The following OTUD7A variants were observed in gnomAD, a reference collection of about 807,000 sequenced individuals.
OTUD7A encodes the protein OTU deubiquitinase 7A, also known as OTU domain-containing protein 7A.
OTUD7A carries 12 observed loss-of-function variants against 65.7 expected under a neutral mutation model. The ratio of observed to expected loss-of-function variants is 0.18; its 90% confidence interval spans 0.12 to 0.30. The LOEUF (loss-of-function observed/expected upper bound fraction) is 0.30. Among genes scored for constraint, OTUD7A ranks in the 10% least tolerant of loss-of-function variants. The pLI, the probability that OTUD7A is intolerant of heterozygous loss-of-function variation, is 1.00. For missense variants in OTUD7A, 1,148 were observed against 1,304.8 expected (o/e 0.88, Z 1.85); for synonymous variants, 641 against 586.3 (o/e 1.09, Z -1.35).
intron 1 of OTUD7A, among the ~76,000 whole-genome samples, chr15:31,688,789 T>C (rs909203778): frequency 1.3e-5 from 2 of 150,640 alleles, no homozygotes; most frequent in Admixed American, 6.6e-5. Flanking sequence ...TGTTTGTGTA[T>C]AAACAATTGG....
At chr15:31,605,361 G>A (rs902468105) in intron 3 of OTUD7A, among the ~76,000 whole-genome samples, 8 of 152,250 alleles carry the variant, frequency 5.3e-5, no homozygotes, top group African/African-American at 1.7e-4. Flanking sequence ...GACACACAGG[G>A]GTGTGCTGGG....
chr15:31,791,777 C>T (rs1466204047), intron 1 of OTUD7A, among the ~76,000 whole-genome samples: 1 of 152,132 alleles, frequency 6.6e-6, no homozygotes, highest in Non-Finnish European at 1.5e-5. Context: ...GCTGTCTTGA[C>T]ACCCCACCCT....
chr15:31,777,984 C>A (rs182567806), intron 1 of OTUD7A, among the ~76,000 whole-genome samples: 1 of 152,076 alleles, frequency 6.6e-6, no homozygotes, highest in Non-Finnish European at 1.5e-5. Flanking sequence ...GGAAATGGAG[C>A]GGCTCTTAGA....
chr15:31,611,021 A>G (rs560657739), intron 3 of OTUD7A, among the ~76,000 whole-genome samples: 3 of 152,258 alleles, frequency 2.0e-5, no homozygotes, highest in African/African-American at 7.2e-5. Context: ...CCATGCAAAC[A>G]CATGGAAATT....
chr15:31,590,704 G>C (rs1183176150), intron 3 of OTUD7A, among the ~76,000 whole-genome samples: 2 of 152,164 alleles, frequency 1.3e-5, no homozygotes, highest in Non-Finnish European at 2.9e-5. Context: ...CCAGATGCTT[G>C]GGTTCTCTGT....
chr15:31,689,013 G>A (rs539745552), intron 1 of OTUD7A, among the ~76,000 whole-genome samples: 7 of 151,050 alleles, frequency 4.6e-5, no homozygotes, highest in Non-Finnish European at 8.9e-5. Context: ...AATAATTAGT[G>A]TGTTAAGATA....
At chr15:31,489,828 A>G (rs1566880928) in intron 10 of OTUD7A, among the ~76,000 whole-genome samples, 2 of 152,210 alleles carry the variant, frequency 1.3e-5, no homozygotes, top group Non-Finnish European at 2.9e-5. Flanking sequence ...CAGGGCTGGA[A>G]TGGACTCCTT....
intron 3 of OTUD7A, among the ~76,000 whole-genome samples, chr15:31,610,606 TATATATA>T (rs1475642159): frequency 2.6e-4 from 12 of 46,768 alleles, no homozygotes; most frequent in African/African-American, 4.7e-4. Context: ...TATATATATA[TATATATA>T]TATATTTTTT....
chr15:31,737,073 C>CTT (rs1269164931), intron 1 of OTUD7A, among the ~76,000 whole-genome samples: 2 of 152,168 alleles, frequency 1.3e-5, no homozygotes, highest in East Asian at 3.8e-4. Flanking sequence ...ATGCCTGCCT[C>CTT]TGCCTCCCAA....
intron 3 of OTUD7A, among the ~76,000 whole-genome samples, chr15:31,635,962 G>A (rs2141256002): frequency 6.6e-6 from 1 of 152,334 alleles, no homozygotes; most frequent in South Asian, 2.1e-4. Context: ...CCATAAAGAG[G>A]AAAATGATAC....
At chr15:31,603,810 A>C (rs1890154712) in intron 3 of OTUD7A, among the ~76,000 whole-genome samples, 1 of 152,230 alleles carries the variant, frequency 6.6e-6, no homozygotes, top group Non-Finnish European at 1.5e-5. Flanking sequence ...TCTCAAAAGA[A>C]GACATTTATG....
chr15:31,660,832 A>C (rs1892141020), intron 1 of OTUD7A, among the ~76,000 whole-genome samples: 1 of 152,238 alleles, frequency 6.6e-6, no homozygotes, highest in African/African-American at 2.4e-5. Flanking sequence ...CCCCTTGTTG[A>C]AGCTGATATT....
At chr15:31,796,460 C>T (rs1487034909) in intron 1 of OTUD7A, among the ~76,000 whole-genome samples, 1 of 152,106 alleles carries the variant, frequency 6.6e-6, no homozygotes, top group East Asian at 1.9e-4. Flanking sequence ...ATGAGGCTCA[C>T]CCACATTAAG....
At chr15:31,566,228 T>A (rs1413032463) in intron 4 of OTUD7A, among the ~76,000 whole-genome samples, 1 of 151,600 alleles carries the variant, frequency 6.6e-6, no homozygotes, top group Non-Finnish European at 1.5e-5. Context: ...ATTTCAGTAA[T>A]TCTGTAGTCC....
intron 1 of OTUD7A, among the ~76,000 whole-genome samples, chr15:31,753,321 G>C (rs1051895586): frequency 6.6e-6 from 1 of 151,950 alleles, no homozygotes; most frequent in African/African-American, 2.4e-5. Context: ...TATTTCCATA[G>C]GTTATTGGGA....
intron 8 of OTUD7A, among the ~76,000 whole-genome samples, chr15:31,510,000 CT>C (rs1375276842): frequency 3.0e-5 from 4 of 133,758 alleles, no homozygotes; most frequent in South Asian, 2.4e-4. Context: ...TTTTTGTTTC[CT>C]TTTTTTTTCC....
At chr15:31,771,101 A>G (rs1486840149) in intron 1 of OTUD7A, among the ~76,000 whole-genome samples, 1 of 152,254 alleles carries the variant, frequency 6.6e-6, no homozygotes, top group African/African-American at 2.4e-5. Flanking sequence ...GGAAAGAAAT[A>G]AATCTCAACT....
At chr15:31,801,202 C>T (rs1330500918) in intron 1 of OTUD7A, among the ~76,000 whole-genome samples, 1 of 152,172 alleles carries the variant, frequency 6.6e-6, no homozygotes, top group Admixed American at 6.5e-5. Flanking sequence ...ATGGTGTGTG[C>T]CAGGGCCAGC....
At chr15:31,765,386 A>T (rs1413423850) in intron 1 of OTUD7A, among the ~76,000 whole-genome samples, 5 of 151,988 alleles carry the variant, frequency 3.3e-5, no homozygotes. Context: ...TTCATTAGCT[A>T]ATATCTCAGA....
Sources: gnomAD v4.1 joint callset for allele counts (sites outside exome capture counted in the v4.1 genomes callset) on GRCh38, gnomAD v4.1.1 for gene constraint, MANE v1.5 for transcripts, NCBI Gene and HGNC (gene_info 2026-07-23, HGNC 2026-07-21) for gene names.